The following SH3BP4 variants were observed in gnomAD, a reference collection of about 807,000 sequenced individuals.
The protein encoded by SH3BP4 is SH3 domain-binding protein 4.
In SH3BP4, 33 loss-of-function variants were observed where a neutral mutation model predicts 65.5. That is an observed-to-expected ratio of 0.50 (90% confidence interval 0.38 to 0.67). The LOEUF is 0.67. Ranked by LOEUF, SH3BP4 falls within the 30% of genes least tolerant of loss-of-function variation. The pLI is 0.00. For synonymous variants in SH3BP4, 552 were observed against 545.5 expected (o/e 1.01, Z -0.17); for missense variants, 1,134 against 1,261.4 (o/e 0.90, Z 1.53).
intron 1 of SH3BP4, among the ~76,000 whole-genome samples, chr2:234,955,131 A>T (rs1692557008): frequency 6.6e-6 from 1 of 152,182 alleles, no homozygotes; most frequent in South Asian, 2.1e-4. Flanking sequence ...GGTGGGCATC[A>T]GGTCTTCTCT....
intron 2 of SH3BP4, among the ~76,000 whole-genome samples, chr2:234,996,957 A>C (rs1452197996): frequency 7.5e-6 from 1 of 133,926 alleles, no homozygotes; most frequent in East Asian, 2.6e-4. Context: ...CCTGTGCCAG[A>C]GTTACTGGGG....
rs1695161626 is a variant in SH3BP4, at chr2:235,030,831, A to G, written c.-132-4040A>G. ...GCCCTCGGTGTGACTCCACCTGCTC[A>G]GGAAGGTTTTGGGAGTGGAGAGCCC... On this transcript the variant is annotated intron_variant, in intron 2 of 5. Coordinates refer to ENST00000392011, the MANE Select transcript of SH3BP4 (RefSeq NM_014521.3). The surrounding 1 kb of genome is among the most constrained non-coding windows in gnomAD (Gnocchi z 4.1). 1.3e-5 allele frequency among the ~76,000 whole-genome samples: 2 copies of G among 152,102 alleles called. No homozygotes were observed. The highest frequency in any genetic ancestry group is 1.5e-5 in the Non-Finnish European group (1 of 67,998).
chr2:235,045,617 G>A lies in SH3BP4; in HGVS notation c.2478+2370G>A, dbSNP rs771376547. On this transcript the variant is annotated intron_variant, in intron 4 of 5. Transcript: ENST00000392011. This position sits in a 1 kb window ranked among gnomAD's most constrained non-coding sequence, Gnocchi z 4.3. ...AACTGGTTTTGCAGTGTCCCCACCC[G>A]CCCCCCACACCTGTGTCAGTCATCA... Among the ~76,000 whole-genome samples the A allele has an allele frequency of 7.1e-5, 10 of 140,400 alleles. No homozygotes were observed. Among genetic ancestry groups the A allele is most frequent in the African/African-American group, 1.1e-4 (4 of 38,032 alleles). The allele number at this position is 140,400 out of a possible 152,430, so 92.1% of individuals were successfully genotyped here. A position where few individuals can be genotyped will look rare whatever the true frequency, so the allele number is the denominator to read the frequency against.
Position 235,034,293 on chromosome 2 carries a change from T to C in SH3BP4, c.-132-578T>C, listed in dbSNP as rs1695299814. 6.6e-6 allele frequency among the ~76,000 whole-genome samples: 1 copy of C among 152,178 alleles called. No homozygotes were observed. ...TGCATACGTTGCATTGAGAATACCT[T>C]ATGGCCGCTCTGTGTTGTGTTTAGA... is the stretch of plus-strand genomic sequence containing the variant. On this transcript the variant is annotated intron_variant, in intron 2 of 5. Transcript: ENST00000392011. This position sits in a 1 kb window ranked among gnomAD's most constrained non-coding sequence, Gnocchi z 6.2.
At chr2:234,961,733 T>C (rs1251614651) in intron 1 of SH3BP4, among the ~76,000 whole-genome samples, 1 of 152,190 alleles carries the variant, frequency 6.6e-6, no homozygotes, top group Admixed American at 6.5e-5. Flanking sequence ...GGGTTTGATA[T>C]TCTTCTGATG....
At chr2:235,017,053 T>C (rs901718805) in intron 2 of SH3BP4, among the ~76,000 whole-genome samples, 1 of 149,318 alleles carries the variant, frequency 6.7e-6, no homozygotes, top group Admixed American at 6.6e-5. Flanking sequence ...TTCTTTTTTT[T>C]TTTTTTTTTT....
intron 1 of SH3BP4, among the ~76,000 whole-genome samples, chr2:234,993,692 T>C (rs915470811): frequency 2.6e-5 from 4 of 152,240 alleles, no homozygotes; most frequent in African/African-American, 9.7e-5. Flanking sequence ...GATTTTCAAC[T>C]GTTCTGTCTT....
chr2:234,997,227 C>T lies in SH3BP4; in HGVS notation c.-133+1851C>T, dbSNP rs1693952362. Among the ~76,000 whole-genome samples the T allele has an allele frequency of 6.6e-6, 1 of 152,192 alleles. No homozygotes were observed. Among genetic ancestry groups the T allele is most frequent in the Non-Finnish European group, 1.5e-5 (1 of 68,038 alleles). On this transcript the variant is annotated intron_variant, in intron 2 of 5. Transcript: ENST00000392011. This position sits in a 1 kb window ranked among gnomAD's most constrained non-coding sequence, Gnocchi z 4.2. ...CACTTTAAGCTGATTTTCGTTTTGC[C>T]TTGTTTTCCCAGAGGCATACATGTA...
chr2:234,952,821 C>T lies in SH3BP4; in HGVS notation c.-207+651C>T, dbSNP rs1289542435. ...CCGGCGGCCCGCGGGCGGGGACCGG[C>T]TGGGATAGAGGCGCGTTGTTCTCTG... is the stretch of plus-strand genomic sequence containing the variant. On this transcript the variant is annotated intron_variant, in intron 1 of 5. Transcript: ENST00000392011. This position sits in a 1 kb window ranked among gnomAD's most constrained non-coding sequence, Gnocchi z 6.5. The T allele has an allele frequency of 6.6e-6, 1 of 152,232 alleles. No individual in the cohort carries two copies. Among genetic ancestry groups the T allele is most frequent in the Non-Finnish European group, 1.5e-5 (1 of 68,060 alleles). 9.4% of individuals were successfully genotyped at this position (152,232 alleles called of 1,614,324 possible). A position where few individuals can be genotyped will look rare whatever the true frequency, so the allele number is the denominator to read the frequency against.
intron 1 of SH3BP4, among the ~76,000 whole-genome samples, chr2:234,986,899 A>G (rs1693578027): frequency 6.6e-6 from 1 of 151,736 alleles, no homozygotes; most frequent in Non-Finnish European, 1.5e-5. Flanking sequence ...CAGCCCCCCA[A>G]GTAGCTGGGA....
chr2:235,034,993 G>A lies in SH3BP4; in HGVS notation c.-10G>A, dbSNP rs376557450. The stretch of plus-strand genomic sequence containing the variant: ...GCCTTAGCGGCTTTACCCGGGAAGC[G>A]AGTTTCGAGATGGCGGCTCAGCGGA... On this transcript the variant is annotated 5_prime_UTR_variant, in exon 3 of 6. Transcript: ENST00000392011. The surrounding 1 kb of genome is among the most constrained non-coding windows in gnomAD (Gnocchi z 6.2). 132 of 1,612,202 alleles carry A rather than the reference G, an allele frequency of 8.2e-5. No homozygotes were observed. The highest frequency in any genetic ancestry group is 3.2e-4 in the African/African-American group (24 of 75,018).
At chr2:235,032,789 C>T (rs1695246594) in intron 2 of SH3BP4, among the ~76,000 whole-genome samples, 1 of 152,086 alleles carries the variant, frequency 6.6e-6, no homozygotes, top group Non-Finnish European at 1.5e-5. Context: ...AGGAGGCCTC[C>T]TCCTGGCATG....
chr2:234,959,867 G>T (rs1692668233), intron 1 of SH3BP4, among the ~76,000 whole-genome samples: 1 of 151,998 alleles, frequency 6.6e-6, no homozygotes, highest in African/African-American at 2.4e-5. Context: ...GGCCAGGCTG[G>T]TCTTGAACTC....
At chr2:235,038,316 ATATT>A (rs1695482056) in intron 3 of SH3BP4, among the ~76,000 whole-genome samples, 1 of 13,908 alleles carries the variant, frequency 7.2e-5, no homozygotes, top group African/African-American at 4.1e-4. Context: ...TATATATTAT[ATATT>A]ATATATATAT....
intron 2 of SH3BP4, among the ~76,000 whole-genome samples, chr2:235,012,034 A>C (rs1694525059): frequency 6.6e-6 from 1 of 152,228 alleles, no homozygotes; most frequent in Non-Finnish European, 1.5e-5. Flanking sequence ...AGGTCCTATT[A>C]TAGGGAAAGC....
intron 1 of SH3BP4, among the ~76,000 whole-genome samples, chr2:234,962,272 G>A (rs150633782): frequency 0.015 from 2,256 of 152,064 alleles, 58 homozygotes; most frequent in African/African-American, 0.05. Flanking sequence ...TAGTAGCTGG[G>A]ATTAGAGGTG....
chr2:235,014,239 G>A (rs942610406), intron 2 of SH3BP4, among the ~76,000 whole-genome samples: 9 of 152,200 alleles, frequency 5.9e-5, no homozygotes, highest in Non-Finnish European at 8.8e-5. Flanking sequence ...AGGATCGGGC[G>A]ATGCCGGATA....
rs1040243922 is a variant in SH3BP4 at position 235,052,805 on chromosome 2, G to T, written c.2667+55G>T. The T allele has an allele frequency of 7.4e-6, 11 of 1,483,438 alleles. No homozygotes were observed. Among genetic ancestry groups the T allele is most frequent in the Middle Eastern group, 2.4e-4 (1 of 4,244 alleles). The allele number at this position is 1,483,438 out of a possible 1,614,324, so 91.9% of individuals were successfully genotyped here. On this transcript the variant is annotated intron_variant, in intron 5 of 5. Transcript: ENST00000392011. This position sits in a 1 kb window ranked among gnomAD's most constrained non-coding sequence, Gnocchi z 5.0. ...GAGCCCCTCTGTCCCTGGGTTCCGTGGACCCATGCAGTGCAGCCATAAAAA... is the reference window on the plus strand; with the variant it reads ...GAGCCCCTCTGTCCCTGGGTTCCGTTGACCCATGCAGTGCAGCCATAAAAA...
chr2:234,995,158 G>A (rs71423671), intron 1 of SH3BP4, 145 bp from the exon 2 acceptor site: 1,546 of 152,424 alleles, frequency 0.01, 4 homozygotes, highest in South Asian at 0.023. Flanking sequence ...GCGTGGCAGC[G>A]TCCACCACCA....
Sources: allele counts gnomAD v4.1 joint callset (sites outside exome capture counted in the v4.1 genomes callset), GRCh38; gene constraint gnomAD v4.1.1; non-coding constraint Gnocchi (gnomAD v3.1); transcripts MANE v1.5; gene names NCBI Gene and HGNC (gene_info 2026-07-23, HGNC 2026-07-21).